ALDH1L1: variants seen among roughly 807,000 people sequenced by gnomAD.
The protein encoded by ALDH1L1 is cytosolic 10-formyltetrahydrofolate dehydrogenase.
ALDH1L1 carries 68 observed loss-of-function variants against 101.1 expected under a neutral mutation model. The observed-to-expected ratio is 0.67, with a 90% confidence interval of 0.55 to 0.82. The LOEUF is 0.82. Among genes scored for constraint, ALDH1L1 ranks in the 40% least tolerant of loss-of-function variants. The pLI is 0.00. For synonymous variants in ALDH1L1, 486 were observed against 470.8 expected (o/e 1.03, Z -0.42); for missense variants, 1,087 against 1,172.7 (o/e 0.93, Z 1.07).
intron 9 of ALDH1L1, 72 bp downstream of exon 9, chr3:126,146,763 T>A: frequency 2.0e-6 from 3 of 1,514,040 alleles, no homozygotes; most frequent in Non-Finnish European, 2.7e-6. Context: ...TGTTTCCTGC[T>A]GCTCAGTTTT....
chr3:126,132,806 TG>T (rs1323066326), intron 12 of ALDH1L1, among the ~76,000 whole-genome samples: 2 of 152,224 alleles, frequency 1.3e-5, no homozygotes, highest in African/African-American at 4.8e-5. Flanking sequence ...ACGATTTGCC[TG>T]CCCACTGGAA....
At chr3:126,185,895 G>A (rs1453169484), upstream of ALDH1L1, among the ~76,000 whole-genome samples, 1 of 152,216 alleles carries the variant, frequency 6.6e-6, no homozygotes, top group African/African-American at 2.4e-5. Context: ...ATTACAACAT[G>A]GAGGAATCTT....
intron 16 of ALDH1L1, among the ~76,000 whole-genome samples, chr3:126,124,110 G>GACACACACACACACACAC (rs3841921): frequency 1.7e-4 from 26 of 148,896 alleles, no homozygotes; most frequent in African/African-American, 6.1e-4. Flanking sequence ...AGGGCGCGCG[G>GACACACACACACACACAC]ACACACACAC....
Position 126,158,413 on chromosome 3 carries a change from G to C in ALDH1L1, c.354C>G (p.Ala118=). 6.3e-7 allele frequency: 1 copy of C among 1,592,418 alleles called. No individual in the cohort carries two copies. Among genetic ancestry groups the C allele is most frequent in the Non-Finnish European group, 8.6e-7 (1 of 1,166,106 alleles). The change falls in exon 3 of 23, where the codon GCC becomes GCG. Residue 118 remains alanine, a synonymous_variant. Coordinates refer to ENST00000393434, the MANE Select transcript of ALDH1L1 (RefSeq NM_012190.4). Reference sequence around the variant, plus strand: ...TTTTTGCCCCATCTCACCAGTTGATGGCCGAGGCCCCTCGGTGCCTAGGGA... The same window carrying C: ...TTTTTGCCCCATCTCACCAGTTGATCGCCGAGGCCCCTCGGTGCCTAGGGA... ...SLLPRHRGAS[A]INWTLIHGDK...
chr3:126,107,306 C>T (rs1945913676), intron 20 of ALDH1L1, 60 bp from the exon 21 acceptor site: 1 of 1,433,276 alleles, frequency 7.0e-7, no homozygotes. Context: ...GGTCCAGCCT[C>T]TCCGTCAGCA....
chr3:126,146,745 C>T (rs2080693257), intron 9 of ALDH1L1, 90 bp downstream of exon 9: 1 of 1,411,706 alleles, frequency 7.1e-7, no homozygotes, highest in Non-Finnish European at 9.8e-7. Flanking sequence ...ATGAGTGTAA[C>T]AAATGGTTGT....
At chr3:126,160,125 G>A (rs556683853) in intron 2 of ALDH1L1, among the ~76,000 whole-genome samples, 2 of 152,138 alleles carry the variant, frequency 1.3e-5, no homozygotes, top group Non-Finnish European at 1.5e-5. Context: ...TTCTCAAAAC[G>A]TGCTTTTCCT....
chr3:126,187,811 C>T (rs1425509447), intron 1 of ALDH1L1, among the ~76,000 whole-genome samples: 4 of 151,976 alleles, frequency 2.6e-5, no homozygotes, highest in Admixed American at 6.6e-5. Flanking sequence ...GCAGTTGAAC[C>T]GGAGACTAAA....
At chr3:126,197,027 C>T (rs2081585321) in intron 1 of ALDH1L1, among the ~76,000 whole-genome samples, 1 of 152,036 alleles carries the variant, frequency 6.6e-6, no homozygotes, top group Non-Finnish European at 1.5e-5. Context: ...AGGCAGAGAC[C>T]AAGAGAAAGT....
At chr3:126,140,572 C>A (rs1180995891) in intron 9 of ALDH1L1, among the ~76,000 whole-genome samples, 5 of 151,854 alleles carry the variant, frequency 3.3e-5, no homozygotes, top group Non-Finnish European at 5.9e-5. Flanking sequence ...TAGGCAAGTG[C>A]ATAAAACAAT....
chr3:126,135,803 C>A (rs1160715575), intron 11 of ALDH1L1, 141 bp from the exon 12 acceptor site: 3 of 1,061,558 alleles, frequency 2.8e-6, no homozygotes, highest in Non-Finnish European at 3.9e-6. Flanking sequence ...GAAGCATGGC[C>A]AAAGGACAAC....
intron 1 of ALDH1L1, among the ~76,000 whole-genome samples, chr3:126,179,176 A>C (rs2108342881): frequency 6.6e-6 from 1 of 152,318 alleles, no homozygotes; most frequent in East Asian, 1.9e-4. Context: ...CTCCTCCCCC[A>C]GTCATGGCCG....
chr3:126,152,172 G>C (rs1276283869), intron 7 of ALDH1L1: 1 of 152,340 alleles, frequency 6.6e-6, no homozygotes, highest in Non-Finnish European at 1.5e-5. Context: ...CCCCACCCCA[G>C]GGGCCACTGA....
intron 8 of ALDH1L1, among the ~76,000 whole-genome samples, chr3:126,147,952 C>T (rs954796140): frequency 6.6e-6 from 1 of 152,108 alleles, no homozygotes; most frequent in African/African-American, 2.4e-5. Flanking sequence ...CCCCTGACTC[C>T]CCAGCTAATA....
intron 20 of ALDH1L1, among the ~76,000 whole-genome samples, chr3:126,109,429 G>A (rs1318432059): frequency 6.6e-6 from 1 of 152,124 alleles, no homozygotes; most frequent in Non-Finnish European, 1.5e-5. Flanking sequence ...GTCCAGTGCC[G>A]CTGGCTGTGC....
chr3:126,145,175 G>T (rs1174965925), intron 9 of ALDH1L1, among the ~76,000 whole-genome samples: 1 of 152,100 alleles, frequency 6.6e-6, no homozygotes, highest in Non-Finnish European at 1.5e-5. Context: ...AAGGAAAGAA[G>T]AAAAGGGGAG....
At chr3:126,159,422 T>C (rs763067476) in intron 2 of ALDH1L1, 72 of 456,574 alleles carry the variant, frequency 1.6e-4, no homozygotes, top group Non-Finnish European at 3.0e-4. Context: ...CCCAATAACT[T>C]TGGGCTCTCT....
chr3:126,153,714 GC>G, intron 6 of ALDH1L1, 133 bp from the exon 7 acceptor site: 1 of 1,183,116 alleles, frequency 8.5e-7, no homozygotes, highest in Non-Finnish European at 1.2e-6. Context: ...CCGGCTCAAA[GC>G]CCATGTGACC....
intron 12 of ALDH1L1, among the ~76,000 whole-genome samples, chr3:126,133,772 G>A (rs1175594537): frequency 2.0e-5 from 3 of 152,184 alleles, no homozygotes; most frequent in Non-Finnish European, 2.9e-5. Context: ...GGGGTGCCCA[G>A]CAGGCTCGGC....
Sources: allele counts gnomAD v4.1 joint callset (sites outside exome capture counted in the v4.1 genomes callset), GRCh38; gene constraint gnomAD v4.1.1; transcripts MANE v1.5; gene names NCBI Gene and HGNC (gene_info 2026-07-23, HGNC 2026-07-21).